Variants in REEP6 observed in about 807,000 individuals in gnomAD.
REEP6 encodes receptor expression-enhancing protein 6.
A neutral mutation model predicts 22.4 loss-of-function variants in REEP6; 19 were observed. That is an observed-to-expected ratio of 0.85 (90% confidence interval 0.59 to 1.25). The LOEUF (loss-of-function observed/expected upper bound fraction) is 1.25, where lower values mean the gene tolerates loss of function less well. REEP6 is among the 50% of genes most tolerant of loss of function. REEP6 has a pLI of 0.00. For missense variants in REEP6, 273 were observed against 251.9 expected (o/e 1.08, Z -0.57); for synonymous variants, 121 against 113.6 (o/e 1.06, Z -0.41).
intron 1 of REEP6, among the ~76,000 whole-genome samples, chr19:1,492,520 C>G (rs1274546672): frequency 6.6e-6 from 1 of 152,178 alleles, no homozygotes. Context: ...ATCCTCCTGC[C>G]TCAGCCTCCC....
intron 3 of REEP6, chr19:1,495,990 AAT>A: frequency 1.9e-6 from 1 of 526,752 alleles, no homozygotes. Context: ...TTATTCCAAT[AAT>A]ATGTCTGATG....
At chr19:1,496,955 C>A (rs748626406) in intron 4 of REEP6, among the ~76,000 whole-genome samples, 1 of 152,146 alleles carries the variant, frequency 6.6e-6, no homozygotes, top group African/African-American at 2.4e-5. Flanking sequence ...TGAGTGCGTG[C>A]GTGTGCATGA....
intron 1 of REEP6, among the ~76,000 whole-genome samples, chr19:1,494,715 C>T (rs141626408): frequency 6.6e-6 from 1 of 151,410 alleles, no homozygotes; most frequent in Non-Finnish European, 1.5e-5. Flanking sequence ...TTTTTTGAGA[C>T]GGAGCCTCAC....
In REEP6 at chr19:1,495,669, C is replaced by T. The variant is rs72985569; in HGVS notation, c.348+62C>T. 44,432 of 1,602,238 alleles carry T rather than the reference C, an allele frequency of 0.028. 726 individuals carry two copies. Among genetic ancestry groups the T allele is most frequent in the Middle Eastern group, 0.037 (223 of 5,996 alleles). On this transcript the variant is annotated intron_variant, in intron 3 of 4. Coordinates refer to ENST00000233596, the MANE Select transcript of REEP6 (RefSeq NM_138393.4). Reference sequence around the variant, plus strand: ...ATGGGGCTTGGGGATTCCTGGGAGGCGCTGGGGCCAGAAAGTCCGGAGGAT... The same window carrying T: ...ATGGGGCTTGGGGATTCCTGGGAGGTGCTGGGGCCAGAAAGTCCGGAGGAT...
rs1158046988 is a variant in REEP6, at chr19:1,495,597, A to G, written c.338A>G (p.Tyr113Cys). ...DLLLSWFPFY[Y>C]VGKCAFLLFC... is the part of the protein sequence containing the mutation. ...CTCCTGTCCTGGTTCCCTTTCTACT[A>G]CGTGGGCAAGGTGGGCCCTGCCAGG... is the stretch of plus-strand genomic sequence containing the variant. The change falls in exon 3 of 5, where the codon TAC (tyrosine) becomes TGC (cysteine). Residue 113 changes from tyrosine to cysteine, a missense_variant. Physicochemically the swap from Tyr to Cys is radical, Grantham distance 194. Coordinates refer to ENST00000233596, the MANE Select transcript of REEP6 (RefSeq NM_138393.4). 3 of 1,613,974 alleles carry G rather than the reference A, an allele frequency of 1.9e-6. No homozygotes were observed. In the Admixed American group the frequency reaches 5.0e-5, roughly 27 times the overall value.
chr19:1,497,481 C>T lies in REEP6; in HGVS notation c.*270C>T, dbSNP rs1335184223. The T allele has an allele frequency of 8.7e-6, 6 of 691,408 alleles. No homozygotes were observed. Among genetic ancestry groups the T allele is most frequent in the Admixed American group, 4.1e-5 (2 of 49,042 alleles). The allele number at this position is 691,408 out of a possible 1,614,324, so 42.8% of individuals were successfully genotyped here. ...CCTGTCCGGCAGGGCCCAGGGCCAG[C>T]GTCGGGCACAGGGCAGCTCCCACTG... is the stretch of plus-strand genomic sequence containing the variant. On this transcript the variant is annotated 3_prime_UTR_variant, in exon 5 of 5. Coordinates refer to ENST00000233596, the MANE Select transcript of REEP6 (RefSeq NM_138393.4). The surrounding 1 kb of genome is among the most constrained non-coding windows in gnomAD (Gnocchi z 6.5).
intron 4 of REEP6, chr19:1,496,731 C>CGT (rs200164740): frequency 0.048 from 26,703 of 560,682 alleles, 408 homozygotes; most frequent in East Asian, 0.089. Context: ...CGCGCGCGCG[C>CGT]GTGTGTTTGA....
chr19:1,494,786 G>A (rs561140750), intron 1 of REEP6, among the ~76,000 whole-genome samples: 39 of 152,188 alleles, frequency 2.6e-4, no homozygotes, highest in African/African-American at 7.9e-4. Context: ...CTGGGTTTAC[G>A]CCATTCTCCT....
chr19:1,491,400 TAGCCCGTTTCGCCGAC>T lies in REEP6; in HGVS notation c.115+17_115+32del. ...CTGGCTGCAGGTGAGCCGTCGGCGC[TAGCCCGTTTCGCCGAC>T]GGGCACACCGAGGCCATGGGCCTGG... On this transcript the variant is annotated intron_variant, in intron 1 of 4. Coordinates refer to ENST00000233596, the MANE Select transcript of REEP6 (RefSeq NM_138393.4). This position sits in a 1 kb window ranked among gnomAD's most constrained non-coding sequence, Gnocchi z 5.4. 1 of 1,401,028 alleles carries T rather than the reference TAGCCCGTTTCGCCGAC, an allele frequency of 7.1e-7. No individual in the cohort carries two copies. The highest frequency in any genetic ancestry group is 1.6e-5 in the South Asian group (1 of 64,072). The allele number at this position is 1,401,028 out of a possible 1,614,324, so 86.8% of individuals were successfully genotyped here.
chr19:1,497,782 C>T lies in REEP6; in HGVS notation c.*571C>T, dbSNP rs545349041. 2.3e-5 allele frequency: 11 copies of T among 470,848 alleles called. No individual in the cohort carries two copies. Among genetic ancestry groups the T allele is most frequent in the South Asian group, 1.4e-4 (9 of 64,560 alleles). 29.2% of individuals were successfully genotyped at this position (470,848 alleles called of 1,614,324 possible). A position where few individuals can be genotyped will look rare whatever the true frequency, so the allele number is the denominator to read the frequency against. On this transcript the variant is annotated 3_prime_UTR_variant, in exon 5 of 5. Transcript: ENST00000233596. The surrounding 1 kb of genome is among the most constrained non-coding windows in gnomAD (Gnocchi z 6.5). ...GTGCCCGAGCTGGTCCCCTGCCATT[C>T]CGGGACCTCTCTGGAGTACACTTCG... is the stretch of plus-strand genomic sequence containing the variant.
rs931246919 is a variant in REEP6 at position 1,497,540 on chromosome 19, C to T, written c.*329C>T. On this transcript the variant is annotated 3_prime_UTR_variant, in exon 5 of 5. Coordinates refer to ENST00000233596, the MANE Select transcript of REEP6 (RefSeq NM_138393.4). This position sits in a 1 kb window ranked among gnomAD's most constrained non-coding sequence, Gnocchi z 6.5. The stretch of plus-strand genomic sequence containing the variant: ...AACACACCCAGCCGCCTGGTACTTC[C>T]TCCAGCCCCTCCCAGTCAGCCCTCC... 8 of 625,604 alleles carry T rather than the reference C, an allele frequency of 1.3e-5. No individual in the cohort carries two copies. In the African/African-American group the frequency reaches 1.4e-4, roughly 11 times the overall value. 38.8% of individuals were successfully genotyped at this position (625,604 alleles called of 1,614,324 possible). A position where few individuals can be genotyped will look rare whatever the true frequency, so the allele number is the denominator to read the frequency against.
chr19:1,494,698 C>CT lies in REEP6; in HGVS notation c.116-584dup, dbSNP rs939160510. On this transcript the variant is annotated intron_variant, in intron 1 of 4. Coordinates refer to ENST00000233596, the MANE Select transcript of REEP6 (RefSeq NM_138393.4). Reference sequence around the variant, plus strand: ...GAGATGGCTATCGTTGCAGATTACACTTTTTTTTTTTTGAGACGGAGCCTC... The same window carrying CT: ...GAGATGGCTATCGTTGCAGATTACACTTTTTTTTTTTTTGAGACGGAGCCTC... Among the ~76,000 whole-genome samples, 1,103 of 148,806 alleles carry CT rather than the reference C, an allele frequency of 7.4e-3. 12 individuals are homozygous for CT. Among genetic ancestry groups the CT allele is most frequent in the Non-Finnish European group, 9.4e-3 (627 of 66,910 alleles).
At position 1,497,041 on chromosome 19, in the gene REEP6, C is replaced by A; in HGVS notation, c.518-133C>A. ...AAAGCCTCTGTGTGGTTGACACCATCTCTGCTGAGGGTGGCTGCCCGGCCC... is the reference window on the plus strand; with the variant it reads ...AAAGCCTCTGTGTGGTTGACACCATATCTGCTGAGGGTGGCTGCCCGGCCC... On this transcript the variant is annotated intron_variant, in intron 4 of 4. Transcript: ENST00000233596. The surrounding 1 kb of genome is among the most constrained non-coding windows in gnomAD (Gnocchi z 6.5). 1 of 689,206 alleles carries A rather than the reference C, an allele frequency of 1.5e-6. No homozygotes were observed. The highest frequency in any genetic ancestry group is 2.4e-6 in the Non-Finnish European group (1 of 421,188). 42.7% of individuals were successfully genotyped at this position (689,206 alleles called of 1,614,324 possible). A position where few individuals can be genotyped will look rare whatever the true frequency, so the allele number is the denominator to read the frequency against.
Position 1,497,779 on chromosome 19 carries a change from A to G in REEP6, c.*568A>G. 1 of 470,808 alleles carries G rather than the reference A, an allele frequency of 2.1e-6. No individual in the cohort carries two copies. The highest frequency in any genetic ancestry group is 4.4e-6 in the Non-Finnish European group (1 of 227,034). The allele number at this position is 470,808 out of a possible 1,614,324, so 29.2% of individuals were successfully genotyped here. A position where few individuals can be genotyped will look rare whatever the true frequency, so the allele number is the denominator to read the frequency against. On this transcript the variant is annotated 3_prime_UTR_variant, in exon 5 of 5. Coordinates refer to ENST00000233596, the MANE Select transcript of REEP6 (RefSeq NM_138393.4). The surrounding 1 kb of genome is among the most constrained non-coding windows in gnomAD (Gnocchi z 6.5). ...TCAGTGCCCGAGCTGGTCCCCTGCC[A>G]TTCCGGGACCTCTCTGGAGTACACT...
intron 1 of REEP6, among the ~76,000 whole-genome samples, chr19:1,492,593 C>T (rs544878285): frequency 1.3e-5 from 2 of 152,228 alleles, no homozygotes; most frequent in South Asian, 2.1e-4. Flanking sequence ...GTGTGGTGCT[C>T]CCAGCCCCAC....
At position 1,492,014 on chromosome 19, in the gene REEP6, C is replaced by T. The variant is rs143910376; in HGVS notation, c.115+630C>T. ...CCCCGATTGTGACTCCATTACAGTT[C>T]TTCCGTGACTTTCACCCTTGGTGAC... On this transcript the variant is annotated intron_variant, in intron 1 of 4. Transcript: ENST00000233596. Among the ~76,000 whole-genome samples the T allele has an allele frequency of 1.7e-4, 26 of 152,354 alleles. No homozygotes were observed. The East Asian group carries it at 4.8e-3, about 28-fold the overall frequency.
At chr19:1,496,772 T>C (rs368408022) in intron 4 of REEP6, 2 of 605,482 alleles carry the variant, frequency 3.3e-6, no homozygotes, top group East Asian at 3.1e-5. Flanking sequence ...CATGTATTAT[T>C]GTGTGTGCAT....
Position 1,496,374 on chromosome 19 carries a change from G to T in REEP6, c.438G>T (p.Arg146Ser), listed in dbSNP as rs1346235968. Residue 146 changes from arginine to serine, a missense_variant, in exon 4 of 5, where the codon AGG (arginine) becomes AGT (serine). By Grantham distance (110) the Arg-to-Ser change is moderately radical. Coordinates refer to ENST00000233596, the MANE Select transcript of REEP6 (RefSeq NM_138393.4). ...YQRVVRPLFLRHHGAVDRIMN... is the reference protein window; with the variant it reads ...YQRVVRPLFLSHHGAVDRIMN... ...GCGTCGTGCGTCCGCTGTTCCTAAG[G>T]CACCACGGGGCCGTAGACAGAATCA... is the stretch of plus-strand genomic sequence containing the variant. The T allele has an allele frequency of 6.2e-7, 1 of 1,613,242 alleles. No homozygotes were observed. Among genetic ancestry groups the T allele is most frequent in the Admixed American group, 1.7e-5 (1 of 60,020 alleles).
Position 1,496,278 on chromosome 19 carries a change from C to A in REEP6, c.349-7C>A. 1 of 1,600,184 alleles carries A rather than the reference C, an allele frequency of 6.2e-7. No individual in the cohort carries two copies. The highest frequency in any genetic ancestry group is 2.2e-5 in the East Asian group (1 of 44,520). On this transcript the variant is annotated splice_region_variant and splice_polypyrimidine_tract_variant and intron_variant, in intron 3 of 4. Transcript: ENST00000233596. ...GGCCCGCGTGTAACTCCTGCCCCGC[C>A]CTGCAGTGCGCCTTCCTGTTGTTCT...
Sources: gnomAD v4.1 joint callset for allele counts (sites outside exome capture counted in the v4.1 genomes callset) on GRCh38, gnomAD v4.1.1 for gene constraint, Gnocchi (gnomAD v3.1) non-coding constraint, MANE v1.5 for transcripts, NCBI Gene and HGNC (gene_info 2026-07-23, HGNC 2026-07-21) for gene names.